The following RAPGEF1 variants were observed in gnomAD, a reference collection of about 807,000 sequenced individuals.
RAPGEF1 encodes CRK SH3-binding GNRP.
Under a neutral mutation model 143.3 loss-of-function variants are expected in RAPGEF1, and 33 were observed. That is an observed-to-expected ratio of 0.23 (90% CI 0.17 to 0.31). The LOEUF (loss-of-function observed/expected upper bound fraction) is 0.31, where lower values mean the gene tolerates loss of function less well. RAPGEF1 is among the 10% of genes least tolerant of loss of function. The pLI is 1.00. For missense variants in RAPGEF1, 1,199 were observed against 1,645.4 expected (o/e 0.73, Z 4.69); for synonymous variants, 629 against 676.5 (o/e 0.93, Z 1.09).
intron 18 of RAPGEF1, among the ~76,000 whole-genome samples, chr9:131,591,686 C>T (rs1045821651): frequency 7.9e-5 from 12 of 152,170 alleles, no homozygotes; most frequent in African/African-American, 2.2e-4. Flanking sequence ...TCGTGCCCAA[C>T]GCCCTGGGGC....
chr9:131,587,107 C>A (rs1476691780), intron 22 of RAPGEF1, among the ~76,000 whole-genome samples: 1 of 122,800 alleles, frequency 8.1e-6, no homozygotes, highest in Non-Finnish European at 1.7e-5. Context: ...CTCCGTCTTA[C>A]ACACACACCT....
intron 1 of RAPGEF1, among the ~76,000 whole-genome samples, chr9:131,704,935 G>A (rs1834936175): frequency 6.6e-6 from 1 of 152,168 alleles, no homozygotes; most frequent in Non-Finnish European, 1.5e-5. Context: ...GATTCTTTAG[G>A]AGGGGCTTTT....
At chr9:131,722,008 C>T (rs1338928143) in intron 1 of RAPGEF1, among the ~76,000 whole-genome samples, 1 of 152,140 alleles carries the variant, frequency 6.6e-6, no homozygotes. Context: ...AATCAAGGTG[C>T]GTTTTATAAT....
chr9:131,702,552 G>A (rs1366231284), intron 1 of RAPGEF1, among the ~76,000 whole-genome samples: 2 of 152,170 alleles, frequency 1.3e-5, no homozygotes, highest in South Asian at 2.1e-4. Flanking sequence ...CAAGAGGAAC[G>A]ATTTCAAAAT....
intron 1 of RAPGEF1, among the ~76,000 whole-genome samples, chr9:131,688,392 T>A (rs544987177): frequency 6.6e-6 from 1 of 152,334 alleles, no homozygotes; most frequent in African/African-American, 2.4e-5. Context: ...GTCCTGTATT[T>A]CTTATCTCAG....
At chr9:131,665,732 C>T (rs1270543111) in intron 1 of RAPGEF1, among the ~76,000 whole-genome samples, 1 of 152,270 alleles carries the variant, frequency 6.6e-6, no homozygotes, top group East Asian at 1.9e-4. Flanking sequence ...CTGACAAGTG[C>T]AAAGCCACTA....
At chr9:131,734,637 A>G (rs1837301305) in intron 1 of RAPGEF1, among the ~76,000 whole-genome samples, 1 of 152,208 alleles carries the variant, frequency 6.6e-6, no homozygotes, top group Non-Finnish European at 1.5e-5. Context: ...AGGAAGTACA[A>G]ATTTGACGAG....
chr9:131,586,703 C>T (rs1262918127), intron 22 of RAPGEF1, among the ~76,000 whole-genome samples: 1 of 130,976 alleles, frequency 7.6e-6, no homozygotes, highest in Non-Finnish European at 1.6e-5. Context: ...CAAACACACA[C>T]ACACACCTGC....
In RAPGEF1 at chr9:131,628,189, G is replaced by A. The variant is rs1564567306; in HGVS notation, c.1018-93C>T. On this transcript the variant is annotated intron_variant, in intron 8 of 26. Transcript: ENST00000683357. This position sits in a 1 kb window ranked among gnomAD's most constrained non-coding sequence, Gnocchi z 5.7. Reference sequence around the variant, plus strand: ...GCAACCGGTGCATTTACTTAGAGAAGGAAATACTGCCAGGCGAACTCAGAA... The same window carrying A: ...GCAACCGGTGCATTTACTTAGAGAAAGAAATACTGCCAGGCGAACTCAGAA... 2 of 1,211,316 alleles carry A rather than the reference G, an allele frequency of 1.7e-6. No individual in the cohort carries two copies. The highest frequency in any genetic ancestry group is 1.1e-6 in the Non-Finnish European group (1 of 894,032). 75.0% of individuals were successfully genotyped at this position (1,211,316 alleles called of 1,614,324 possible).
At position 131,699,097 on chromosome 9, in the gene RAPGEF1, C is replaced by T. The variant is rs1204067095; in HGVS notation, c.61+40673G>A. On this transcript the variant is annotated intron_variant, in intron 1 of 26. Coordinates refer to ENST00000683357, the MANE Select transcript of RAPGEF1 (RefSeq NM_001377935.1). ...TTTCACCCTTTATGAAAAAACTTTC[C>T]CTTGACCGCAATACCCTTAACAACT... Among the ~76,000 whole-genome samples, 4 of 152,282 alleles carry T rather than the reference C, an allele frequency of 2.6e-5. No individual in the cohort carries two copies. In the East Asian group the frequency reaches 5.8e-4, roughly 22 times the overall value.
intron 1 of RAPGEF1, among the ~76,000 whole-genome samples, chr9:131,710,371 C>T (rs1455622091): frequency 1.3e-5 from 2 of 152,202 alleles, no homozygotes; most frequent in East Asian, 1.9e-4. Context: ...AAGCTCCAAA[C>T]TCCCACTGCA....
At chr9:131,735,326 C>T (rs1261827138) in intron 1 of RAPGEF1, among the ~76,000 whole-genome samples, 1 of 152,248 alleles carries the variant, frequency 6.6e-6, no homozygotes, top group African/African-American at 2.4e-5. Flanking sequence ...ACCCCACTGC[C>T]TGTGCCCAGC....
At chr9:131,634,313 C>A (rs1245402049) in intron 5 of RAPGEF1, among the ~76,000 whole-genome samples, 1 of 152,022 alleles carries the variant, frequency 6.6e-6, no homozygotes, top group Non-Finnish European at 1.5e-5. Context: ...CTGGAAACTG[C>A]CGACTGGTCA....
intron 16 of RAPGEF1, among the ~76,000 whole-genome samples, chr9:131,597,634 C>G (rs4740294): frequency 0.84 from 127,666 of 152,222 alleles, 53,636 homozygotes; most frequent in African/African-American, 0.87. Context: ...CCTCTCCACT[C>G]TCACAGGTTT....
intron 1 of RAPGEF1, among the ~76,000 whole-genome samples, chr9:131,706,811 GT>G (rs2131171828): frequency 6.6e-6 from 1 of 152,328 alleles, no homozygotes; most frequent in East Asian, 1.9e-4. Flanking sequence ...CGCCAAAGAT[GT>G]GCTCCTGGTC....
chr9:131,605,324 G>A, intron 12 of RAPGEF1, 136 bp from the exon 13 acceptor site: 1 of 775,292 alleles, frequency 1.3e-6, no homozygotes, highest in Non-Finnish European at 1.8e-6. Context: ...ATCACGCCAA[G>A]CAACCCCCAG....
intron 1 of RAPGEF1, among the ~76,000 whole-genome samples, chr9:131,663,473 A>G (rs62581452): frequency 6.8e-6 from 1 of 148,012 alleles, no homozygotes; most frequent in East Asian, 1.9e-4. Context: ...TTTTTTTTAA[A>G]TCCAAGATCC....
At chr9:131,624,966 C>T (rs879682747) in intron 10 of RAPGEF1, among the ~76,000 whole-genome samples, 20 of 152,348 alleles carry the variant, frequency 1.3e-4, no homozygotes, top group African/African-American at 4.1e-4. Flanking sequence ...GCCCTCAGGG[C>T]GACCCTTGCT....
intron 17 of RAPGEF1, among the ~76,000 whole-genome samples, chr9:131,594,242 T>C (rs1355282803): frequency 1.3e-5 from 2 of 152,248 alleles, no homozygotes; most frequent in Non-Finnish European, 2.9e-5. Flanking sequence ...TCCTGAGCAC[T>C]CTGTGCGCCC....
Sources: gnomAD v4.1 joint callset for allele counts (sites outside exome capture counted in the v4.1 genomes callset) on GRCh38, gnomAD v4.1.1 for gene constraint, Gnocchi (gnomAD v3.1) non-coding constraint, MANE v1.5 for transcripts, NCBI Gene and HGNC (gene_info 2026-07-23, HGNC 2026-07-21) for gene names.